The following DESI1 variants were observed in gnomAD, a reference collection of about 807,000 sequenced individuals.
The protein encoded by DESI1 is PPPDE peptidase domain containing 2.
Under a neutral mutation model 22.4 loss-of-function variants are expected in DESI1, and 17 were observed. The ratio of observed to expected loss-of-function variants is 0.76; its 90% CI spans 0.52 to 1.14. DESI1 has a LOEUF of 1.14. DESI1 is among the 50% of genes most tolerant of loss of function. DESI1 has a pLI of 0.00. For missense variants in DESI1, 177 were observed against 208.9 expected (o/e 0.85, Z 0.94); for synonymous variants, 92 against 84.2 (o/e 1.09, Z -0.51).
At position 41,601,108 on chromosome 22, in the gene DESI1, C is replaced by T. The variant is rs144622202; in HGVS notation, c.496G>A (p.Gly166Ser). 25 of 1,613,104 alleles carry T rather than the reference C, an allele frequency of 1.5e-5. No homozygotes were observed. Among genetic ancestry groups the T allele is most frequent in the Non-Finnish European group, 1.5e-5 (18 of 1,179,718 alleles). Residue 166 changes from glycine to serine, a missense_variant, in exon 6 of 6, where the codon GGC (glycine) becomes AGC (serine). Gly to Ser is a moderately conservative substitution (Grantham distance 56). Transcript: ENST00000263256. ...PGGSSVGRPN[G>S]QS ...CCCAGGCAGTCCTGTTAGCTCTGGCCGTTGGGTCTGCCCACGGAGCTCCCT... is the reference window on the plus strand; with the variant it reads ...CCCAGGCAGTCCTGTTAGCTCTGGCTGTTGGGTCTGCCCACGGAGCTCCCT...
rs1441355160 is a variant in DESI1, at chr22:41,599,030, A to T, written c.*2067T>A. The stretch of plus-strand genomic sequence containing the variant: ...CTGGTCATGCCCCTGGTCAGGTCGC[A>T]GGCAAACACTAAGGCAGAATGACAG... On this transcript the variant is annotated 3_prime_UTR_variant, in exon 6 of 6. Transcript: ENST00000263256. 1 of 152,262 alleles carries T rather than the reference A, an allele frequency of 6.6e-6. No homozygotes were observed. The highest frequency in any genetic ancestry group is 1.5e-5 in the Non-Finnish European group (1 of 68,076). 9.4% of individuals were successfully genotyped at this position (152,262 alleles called of 1,614,324 possible).
At chr22:41,603,967 C>T in intron 4 of DESI1, 77 bp downstream of exon 4, 1 of 1,325,378 alleles carries the variant, frequency 7.5e-7, no homozygotes, top group Non-Finnish European at 1.1e-6. Flanking sequence ...GATGATATGA[C>T]ATGGCAGCTG....
At chr22:41,602,673 C>T (rs984433778) in intron 5 of DESI1, 30 of 987,390 alleles carry the variant, frequency 3.0e-5, no homozygotes, top group Non-Finnish European at 1.7e-5. Flanking sequence ...TGTGTCCTTT[C>T]GGGGTATACT....
Position 41,618,966 on chromosome 22 carries a change from AG to A in DESI1, c.88+1785del, listed in dbSNP as rs2067565818. 2.0e-5 allele frequency among the ~76,000 whole-genome samples: 3 copies of A among 152,120 alleles called. No homozygotes were observed. In the South Asian group the frequency reaches 6.2e-4, roughly 32 times the overall value. On this transcript the variant is annotated intron_variant, in intron 1 of 5. Coordinates refer to ENST00000263256, the MANE Select transcript of DESI1 (RefSeq NM_015704.3). Reference sequence around the variant, plus strand: ...GTAGTCCCAGCTACTCGGGAGGCTGAGGCAGGAGAATGGCGTGAACCCGGGA... The same window carrying A: ...GTAGTCCCAGCTACTCGGGAGGCTGAGCAGGAGAATGGCGTGAACCCGGGA...
chr22:41,603,089 A>T lies in DESI1; in HGVS notation c.413+170T>A. 4.2e-6 allele frequency: 4 copies of T among 960,864 alleles called. No homozygotes were observed. The East Asian group carries it at 1.0e-4, about 25-fold the overall frequency. The allele number at this position is 960,864 out of a possible 1,614,324, so 59.5% of individuals were successfully genotyped here. A position where few individuals can be genotyped will look rare whatever the true frequency, so the allele number is the denominator to read the frequency against. On this transcript the variant is annotated intron_variant, in intron 5 of 5. Coordinates refer to ENST00000263256, the MANE Select transcript of DESI1 (RefSeq NM_015704.3). ...CTAGCTCTGAAGGTGGAGGTAATACAGGTGCGCATCAGTGGGTGGAGAGAA... is the reference window on the plus strand; with the variant it reads ...CTAGCTCTGAAGGTGGAGGTAATACTGGTGCGCATCAGTGGGTGGAGAGAA...
intron 1 of DESI1, among the ~76,000 whole-genome samples, chr22:41,619,717 A>G (rs1443705369): frequency 6.6e-6 from 1 of 152,218 alleles, no homozygotes; most frequent in Non-Finnish European, 1.5e-5. Flanking sequence ...TAGAAACTCA[A>G]GGACATTGAA....
In DESI1 at chr22:41,620,757, A is replaced by G; in HGVS notation, c.83T>C (p.Met28Thr). 6.2e-7 allele frequency: 1 copy of G among 1,610,008 alleles called. No individual in the cohort carries two copies. Among genetic ancestry groups the G allele is most frequent in the Non-Finnish European group, 8.5e-7 (1 of 1,178,332 alleles). ...CCTGGCCCCTTCCCCCTCACCCAGC[A>G]TGATGGGGCTGAGCCGCCGGGCCAG... is the stretch of plus-strand genomic sequence containing the variant. The part of the protein sequence containing the change: ...KGLARRLSPI[M>T]LGKQLEGIWH... Residue 28 changes from methionine (M) to threonine (T), a missense_variant, in exon 1 of 6, where the codon ATG becomes ACG. By Grantham distance (81) the Met-to-Thr change is moderately conservative. Transcript: ENST00000263256.
In DESI1 at chr22:41,620,723, T is replaced by A. The variant is rs1442231141; in HGVS notation, c.88+29A>T. On this transcript the variant is annotated intron_variant, in intron 1 of 5. Transcript: ENST00000263256. Reference sequence around the variant, plus strand: ...CCACCCTCTGGCCTGGCTCCCGCCCTCCTGCCCACCTGGCCCCTTCCCCCT... The same window carrying A: ...CCACCCTCTGGCCTGGCTCCCGCCCACCTGCCCACCTGGCCCCTTCCCCCT... 4 of 1,585,318 alleles carry A rather than the reference T, an allele frequency of 2.5e-6. No individual in the cohort carries two copies. In the South Asian group the frequency reaches 3.4e-5, roughly 14 times the overall value.
rs2067436110 is a variant in DESI1 at position 41,599,139 on chromosome 22, A to G, written c.*1958T>C. On this transcript the variant is annotated 3_prime_UTR_variant, in exon 6 of 6. Transcript: ENST00000263256. ...GCAGATGGGGCCAGAAATGAGCAGC[A>G]GCTTTTTGGAGAGGAAAGGCCTGTG... 2 of 152,386 alleles carry G rather than the reference A, an allele frequency of 1.3e-5. No homozygotes were observed. Among genetic ancestry groups the G allele is most frequent in the South Asian group, 2.1e-4 (1 of 4,828 alleles). The allele number at this position is 152,386 out of a possible 1,614,324, so 9.4% of individuals were successfully genotyped here.
At chr22:41,610,718 C>CA (rs2067511867) in intron 1 of DESI1, among the ~76,000 whole-genome samples, 1 of 151,806 alleles carries the variant, frequency 6.6e-6, no homozygotes, top group South Asian at 2.1e-4. Context: ...ACTAAAAATA[C>CA]AAAAATTAGC....
In DESI1 at chr22:41,602,686, C is replaced by T. The variant is rs570906801; in HGVS notation, c.413+573G>A. ...GTTGTGTCCTTTCGGGGTATACTGCCTGGATGATGGCCTGCAAGGCTCTTC... is the reference window on the plus strand; with the variant it reads ...GTTGTGTCCTTTCGGGGTATACTGCTTGGATGATGGCCTGCAAGGCTCTTC... On this transcript the variant is annotated intron_variant, in intron 5 of 5. Transcript: ENST00000263256. 2.3e-5 allele frequency: 23 copies of T among 988,314 alleles called. No individual in the cohort carries two copies. In the Admixed American group the frequency reaches 6.5e-4, roughly 28 times the overall value. 61.2% of individuals were successfully genotyped at this position (988,314 alleles called of 1,614,324 possible).
intron 2 of DESI1, among the ~76,000 whole-genome samples, chr22:41,607,624 T>C (rs549060138): frequency 6.6e-6 from 1 of 152,294 alleles, no homozygotes; most frequent in Non-Finnish European, 1.5e-5. Context: ...AGTAGCATCC[T>C]CCTCCCTGTA....
chr22:41,617,929 C>T (rs1312998916), intron 1 of DESI1, among the ~76,000 whole-genome samples: 1 of 152,224 alleles, frequency 6.6e-6, no homozygotes, highest in African/African-American at 2.4e-5. Context: ...AGGCCAGACT[C>T]TTTCCTGTCT....
intron 5 of DESI1, chr22:41,602,178 G>A (rs1322232572): frequency 1.0e-6 from 1 of 982,878 alleles, no homozygotes. Context: ...TGCCATTTTT[G>A]AAAATCATCT....
chr22:41,611,985 T>G (rs1205462098), intron 1 of DESI1, among the ~76,000 whole-genome samples: 1 of 152,174 alleles, frequency 6.6e-6, no homozygotes, highest in Non-Finnish European at 1.5e-5. Flanking sequence ...GAACACAGGT[T>G]CTGGTGTAGA....
At chr22:41,611,110 A>C (rs2067514484) in intron 1 of DESI1, among the ~76,000 whole-genome samples, 1 of 152,170 alleles carries the variant, frequency 6.6e-6, no homozygotes, top group African/African-American at 2.4e-5. Context: ...TTTCCTGTTT[A>C]CTATATGTAA....
intron 5 of DESI1, chr22:41,603,053 G>C (rs963448742): frequency 3.6e-5 from 28 of 769,394 alleles, no homozygotes; most frequent in Middle Eastern, 7.8e-4. Flanking sequence ...TTAGGCCAGG[G>C]CAGAGCTGGT....
chr22:41,620,628 T>C (rs2067582674), intron 1 of DESI1, 124 bp downstream of exon 1: 6 of 984,964 alleles, frequency 6.1e-6, no homozygotes, highest in East Asian at 5.5e-5. Context: ...CCACTCGGCT[T>C]TTCTTCCATC....
At chr22:41,616,216 C>T (rs2067549709) in intron 1 of DESI1, among the ~76,000 whole-genome samples, 1 of 152,196 alleles carries the variant, frequency 6.6e-6, no homozygotes, top group Admixed American at 6.5e-5. Context: ...ACACTCCAGC[C>T]TGGGCAACAA....
Sources: gnomAD v4.1 joint callset for allele counts (sites outside exome capture counted in the v4.1 genomes callset) on GRCh38, gnomAD v4.1.1 for gene constraint, MANE v1.5 for transcripts, NCBI Gene and HGNC (gene_info 2026-07-23, HGNC 2026-07-21) for gene names.